Variants in ESRRG observed in about 807,000 individuals in gnomAD.
ESRRG encodes the protein estrogen related receptor gamma, also known as estrogen-related receptor gamma.
Under a neutral mutation model 44.0 loss-of-function variants are expected in ESRRG, and 13 were observed. The observed-to-expected ratio is 0.30, with a 90% CI of 0.19 to 0.47. The LOEUF is 0.47. ESRRG is among the 20% of genes least tolerant of loss of function. The pLI, the probability that ESRRG is intolerant of heterozygous loss-of-function variation, is 1.00. For synonymous variants in ESRRG, 215 were observed against 214.6 expected, an observed-to-expected ratio of 1.00 and a Z score of -0.02; for missense variants, 395 against 580.6, an observed-to-expected ratio of 0.68 and a Z score of 3.29.
At chr1:217,137,304 G>A (rs1205010992) in intron 1 of ESRRG, among the ~76,000 whole-genome samples, 2 of 152,226 alleles carry the variant, frequency 1.3e-5, no homozygotes, top group Admixed American at 1.3e-4. Flanking sequence ...CTTCCCACTA[G>A]TTACCTCCTC....
intron 1 of ESRRG, among the ~76,000 whole-genome samples, chr1:217,113,517 A>G (rs2092683551): frequency 6.6e-6 from 1 of 152,214 alleles, no homozygotes; most frequent in African/African-American, 2.4e-5. Flanking sequence ...GAGCCCATCC[A>G]CATATGGACA....
intron 2 of ESRRG, among the ~76,000 whole-genome samples, chr1:216,836,392 T>C (rs1194924836): frequency 6.6e-6 from 1 of 152,182 alleles, no homozygotes; most frequent in East Asian, 1.9e-4. Context: ...TAGGTTGCTG[T>C]CTCACCAGTG....
chr1:216,896,787 A>C (rs752453222), intron 2 of ESRRG, among the ~76,000 whole-genome samples: 1 of 152,200 alleles, frequency 6.6e-6, no homozygotes, highest in Non-Finnish European at 1.5e-5. Flanking sequence ...AATGTAAGGT[A>C]AATAACTATA....
chr1:216,770,568 TCAGA>T (rs937792975), intron 2 of ESRRG, among the ~76,000 whole-genome samples: 7 of 152,026 alleles, frequency 4.6e-5, no homozygotes, highest in Non-Finnish European at 8.8e-5. Flanking sequence ...TATATATTTC[TCAGA>T]CATTCAATTT....
intron 1 of ESRRG, among the ~76,000 whole-genome samples, chr1:217,075,238 C>T (rs1558208980): frequency 6.6e-6 from 1 of 152,220 alleles, no homozygotes; most frequent in South Asian, 2.1e-4. Context: ...TGGACACTTA[C>T]TCTGCCAGAC....
At chr1:216,988,008 C>T (rs1218856193) in intron 1 of ESRRG, among the ~76,000 whole-genome samples, 1 of 152,146 alleles carries the variant, frequency 6.6e-6, no homozygotes, top group Non-Finnish European at 1.5e-5. Context: ...TTATTGGCTG[C>T]CTTTCCTTCT....
At chr1:216,954,117 A>T (rs1013893286) in intron 1 of ESRRG, among the ~76,000 whole-genome samples, 3 of 152,146 alleles carry the variant, frequency 2.0e-5, no homozygotes, top group Non-Finnish European at 4.4e-5. Flanking sequence ...TCTTTAGCTT[A>T]TGAGCCAAGT....
At chr1:216,969,340 G>T (rs1421902769) in intron 1 of ESRRG, among the ~76,000 whole-genome samples, 1 of 151,964 alleles carries the variant, frequency 6.6e-6, no homozygotes, top group Non-Finnish European at 1.5e-5. Flanking sequence ...ATGAATGAAT[G>T]TTGAAATTTT....
intron 1 of ESRRG, among the ~76,000 whole-genome samples, chr1:216,695,979 G>A (rs569130934): frequency 1.2e-4 from 19 of 152,268 alleles, no homozygotes; most frequent in South Asian, 4.1e-4. Flanking sequence ...AACCTAGATC[G>A]TTGAAGATGC....
chr1:216,705,955 G>A (rs1043427687), intron 1 of ESRRG, among the ~76,000 whole-genome samples: 5 of 152,096 alleles, frequency 3.3e-5, no homozygotes, highest in Admixed American at 2.0e-4. Context: ...AACACTGAGC[G>A]GTGTGTAGTT....
intron 1 of ESRRG, among the ~76,000 whole-genome samples, chr1:217,016,106 A>G (rs567496197): frequency 2.6e-5 from 4 of 152,252 alleles, no homozygotes; most frequent in South Asian, 4.2e-4. Context: ...TGATGAACAA[A>G]ATAAAAGAGG....
intron 1 of ESRRG, among the ~76,000 whole-genome samples, chr1:216,975,782 C>T (rs1032651669): frequency 3.3e-5 from 5 of 152,110 alleles, no homozygotes; most frequent in African/African-American, 1.2e-4. Context: ...TCAAATAACC[C>T]GGACATCTCT....
intron 2 of ESRRG, among the ~76,000 whole-genome samples, chr1:216,924,895 T>C (rs2062325226): frequency 6.6e-6 from 1 of 152,124 alleles, no homozygotes; most frequent in African/African-American, 2.4e-5. Context: ...ACTCCATAGA[T>C]AATAAAAGTA....
At position 216,855,424 on chromosome 1, in the gene ESRRG, A is replaced by T. The variant is rs1452866959; in HGVS notation, c.-14+84158T>A. Among the ~76,000 whole-genome samples the T allele has an allele frequency of 3.3e-5, 5 of 152,174 alleles. No homozygotes were observed. In the East Asian group the frequency reaches 9.7e-4, roughly 29 times the overall value. On this transcript the variant is annotated intron_variant, in intron 2 of 7. Coordinates refer to the ESRRG transcript ENST00000359162. The stretch of plus-strand genomic sequence containing the variant: ...ATCTCATTTAATTGTTAGAAAAAAA[A>T]TATCTGTGGGTATATTATTTCTCCA...
At chr1:217,135,521 C>T (rs983246579) in intron 1 of ESRRG, among the ~76,000 whole-genome samples, 16 of 151,534 alleles carry the variant, frequency 1.1e-4, no homozygotes, top group Admixed American at 9.9e-4. Flanking sequence ...GAGCAAGGGG[C>T]GCGCGCGCGG....
intron 1 of ESRRG, among the ~76,000 whole-genome samples, chr1:217,129,634 C>A (rs2102530203): frequency 6.6e-6 from 1 of 152,270 alleles, no homozygotes; most frequent in South Asian, 2.1e-4. Flanking sequence ...AGAACTGACT[C>A]ATGTTACAAT....
intron 2 of ESRRG, among the ~76,000 whole-genome samples, chr1:216,817,994 C>T (rs1269973343): frequency 2.6e-5 from 4 of 152,024 alleles, no homozygotes; most frequent in Admixed American, 6.6e-5. Flanking sequence ...CTCCTTCTTG[C>T]TCCTCTCTAT....
chr1:216,626,219 T>C (rs2063162231), intron 3 of ESRRG, among the ~76,000 whole-genome samples: 1 of 152,246 alleles, frequency 6.6e-6, no homozygotes, highest in African/African-American at 2.4e-5. Flanking sequence ...TCTCCATTCT[T>C]GAGTTTCTGC....
chr1:216,884,992 T>C (rs1384753298), intron 2 of ESRRG, among the ~76,000 whole-genome samples: 1 of 152,190 alleles, frequency 6.6e-6, no homozygotes, highest in African/African-American at 2.4e-5. Context: ...AATGACTTTG[T>C]ATTCTGCTAA....
Sources: gnomAD v4.1 joint callset for allele counts (sites outside exome capture counted in the v4.1 genomes callset) on GRCh38, gnomAD v4.1.1 for gene constraint, MANE v1.5 for transcripts, NCBI Gene and HGNC (gene_info 2026-07-23, HGNC 2026-07-21) for gene names.